The following ZNF148 variants were observed in gnomAD, a reference collection of about 807,000 sequenced individuals.
The protein encoded by ZNF148 is zinc finger protein 148.
In ZNF148, 7 loss-of-function variants were observed where a neutral mutation model predicts 67.7. The ratio of observed to expected loss-of-function variants is 0.10; its 90% CI spans 0.06 to 0.19. The LOEUF (loss-of-function observed/expected upper bound fraction) is 0.19, where lower values mean the gene tolerates loss of function less well. Ranked by LOEUF, ZNF148 falls within the 10% of genes least tolerant of loss-of-function variation. The pLI is 1.00. For missense variants in ZNF148, 583 were observed against 947.1 expected (o/e 0.62, Z 5.05); for synonymous variants, 333 against 330.7 (o/e 1.01, Z -0.08).
rs950435432 is a variant in ZNF148, at chr3:125,350,678, C to T, written c.-233-19440G>A. 1.3e-3 allele frequency among the ~76,000 whole-genome samples: 193 copies of T among 152,274 alleles called. 2 individuals carry two copies. The highest frequency in any genetic ancestry group is 5.9e-4 in the Admixed American group (9 of 15,298). ...CCTGCGCCGTTAAAAATAGGCTTCA[C>T]GCTCCTAAGAGAATGTAAGAGAATC... On this transcript the variant is annotated intron_variant, in intron 1 of 8. Coordinates refer to ENST00000360647, the MANE Select transcript of ZNF148 (RefSeq NM_021964.3).
At position 125,246,654 on chromosome 3, in the gene ZNF148, T is replaced by C. The variant is rs143913048; in HGVS notation, c.668-12325A>G. ...TTAAGAACAGGAATGAGGAGGTTGA[T>C]AACAAATGATTACTTACATATTGAT... is the stretch of plus-strand genomic sequence containing the variant. On this transcript the variant is annotated intron_variant, in intron 7 of 8. Coordinates refer to ENST00000360647, the MANE Select transcript of ZNF148 (RefSeq NM_021964.3). Among the ~76,000 whole-genome samples the C allele has an allele frequency of 1.9e-4, 29 of 152,326 alleles. No homozygotes were observed. The East Asian group carries it at 5.4e-3, about 28-fold the overall frequency.
chr3:125,356,458 G>GAC (rs983975539), intron 1 of ZNF148, among the ~76,000 whole-genome samples: 1 of 152,076 alleles, frequency 6.6e-6, no homozygotes, highest in Admixed American at 6.5e-5. Flanking sequence ...AGAAACCCAG[G>GAC]ACTTCCTCCT....
intron 2 of ZNF148, among the ~76,000 whole-genome samples, chr3:125,330,650 G>A (rs902256616): frequency 3.9e-5 from 6 of 151,934 alleles, no homozygotes; most frequent in East Asian, 1.9e-4. Flanking sequence ...CAACATAGTC[G>A]AGACCCTGTC....
At chr3:125,317,658 T>TAGAGAGAGAGAGAGAGAGAGAGAG (rs796905351) in intron 3 of ZNF148, among the ~76,000 whole-genome samples, 84 of 27,958 alleles carry the variant, frequency 3.0e-3, no homozygotes, top group Non-Finnish European at 4.0e-3. Context: ...TATATATATA[T>TAGAGAGAGAGAGAGAGAGAGAGAG]ATATAGAGAG....
intron 4 of ZNF148, among the ~76,000 whole-genome samples, chr3:125,297,844 C>A (rs1939364786): frequency 6.6e-6 from 1 of 152,070 alleles, no homozygotes; most frequent in South Asian, 2.1e-4. Flanking sequence ...ATAGGCATAT[C>A]CAGTAAATTC....
At chr3:125,297,925 G>C (rs1939367981) in intron 4 of ZNF148, among the ~76,000 whole-genome samples, 1 of 152,114 alleles carries the variant, frequency 6.6e-6, no homozygotes, top group South Asian at 2.1e-4. Flanking sequence ...ATTCACAGCA[G>C]CACTTAATAC....
intron 7 of ZNF148, among the ~76,000 whole-genome samples, chr3:125,253,265 T>C (rs552579983): frequency 6.6e-6 from 1 of 152,360 alleles, no homozygotes; most frequent in African/African-American, 2.4e-5. Flanking sequence ...AGTGGTATCA[T>C]CATAACATGT....
intron 1 of ZNF148, among the ~76,000 whole-genome samples, chr3:125,357,435 G>T (rs1269153056): frequency 6.6e-6 from 1 of 152,220 alleles, no homozygotes; most frequent in Non-Finnish European, 1.5e-5. Flanking sequence ...TGCGGGGTTC[G>T]CCAGACGGTG....
chr3:125,233,996 GA>G lies in ZNF148; in HGVS notation c.787-58del. 6.6e-7 allele frequency: 1 copy of G among 1,513,580 alleles called. No individual in the cohort carries two copies. Among genetic ancestry groups the G allele is most frequent in the South Asian group, 1.4e-5 (1 of 73,032 alleles). The allele number at this position is 1,513,580 out of a possible 1,614,324, so 93.8% of individuals were successfully genotyped here. On this transcript the variant is annotated intron_variant, in intron 8 of 8. Coordinates refer to ENST00000360647, the MANE Select transcript of ZNF148 (RefSeq NM_021964.3). The surrounding 1 kb of genome is among the most constrained non-coding windows in gnomAD (Gnocchi z 5.1). The stretch of plus-strand genomic sequence containing the variant: ...TTGTGGTTTTGGTCAACCAAGAAAA[GA>G]AAAAGTGAAACAAAACAATTAATAT...
At chr3:125,300,892 T>C (rs1349552250) in intron 4 of ZNF148, among the ~76,000 whole-genome samples, 2 of 152,330 alleles carry the variant, frequency 1.3e-5, no homozygotes, top group Non-Finnish European at 1.5e-5. Context: ...ATAAAGACCA[T>C]AAAAATTTAT....
intron 5 of ZNF148, among the ~76,000 whole-genome samples, chr3:125,280,975 AC>A (rs1259731443): frequency 6.6e-6 from 1 of 152,092 alleles, no homozygotes; most frequent in African/African-American, 2.4e-5. Flanking sequence ...CACAGCTATG[AC>A]CCCTTCTCAA....
At chr3:125,263,789 A>G (rs1937448214) in intron 7 of ZNF148, among the ~76,000 whole-genome samples, 1 of 131,422 alleles carries the variant, frequency 7.6e-6, no homozygotes, top group African/African-American at 3.1e-5. Context: ...TGGGTGATAG[A>G]AGCCTCTTTC....
intron 4 of ZNF148, among the ~76,000 whole-genome samples, chr3:125,296,095 A>AT (rs1939268882): frequency 6.6e-6 from 1 of 150,992 alleles, no homozygotes; most frequent in African/African-American, 2.4e-5. Context: ...GCCTTTCAAT[A>AT]TATCATCCCA....
At chr3:125,343,232 C>T (rs929041938) in intron 1 of ZNF148, among the ~76,000 whole-genome samples, 2 of 152,060 alleles carry the variant, frequency 1.3e-5, no homozygotes, top group African/African-American at 4.8e-5. Flanking sequence ...CTACCATTGA[C>T]GTGTCAAGGC....
chr3:125,366,078 G>A (rs888832902), intron 1 of ZNF148, among the ~76,000 whole-genome samples: 6 of 152,024 alleles, frequency 3.9e-5, no homozygotes, highest in Non-Finnish European at 5.9e-5. Context: ...TCTAATATAC[G>A]GTCCTTGGCT....
chr3:125,258,997 C>A (rs1192964792), intron 7 of ZNF148, among the ~76,000 whole-genome samples: 1 of 151,920 alleles, frequency 6.6e-6, no homozygotes, highest in South Asian at 2.1e-4. Context: ...GTTAGAAATA[C>A]GAAGTTAATT....
In ZNF148 at chr3:125,230,361, C is replaced by T. The variant is rs2107824144; in HGVS notation, c.*1980G>A. Reference sequence around the variant, plus strand: ...ATTATGTAATGCACAACACAACACACACAATCTTAAGAGTCAATAATGGCA... The same window carrying T: ...ATTATGTAATGCACAACACAACACATACAATCTTAAGAGTCAATAATGGCA... On this transcript the variant is annotated 3_prime_UTR_variant, in exon 9 of 9. Transcript: ENST00000360647. 1 of 152,682 alleles carries T rather than the reference C, an allele frequency of 6.5e-6. No homozygotes were observed. The highest frequency in any genetic ancestry group is 3.4e-3 in the Middle Eastern group (1 of 294). The allele number at this position is 152,682 out of a possible 1,614,324, so 9.5% of individuals were successfully genotyped here. A position where few individuals can be genotyped will look rare whatever the true frequency, so the allele number is the denominator to read the frequency against.
At chr3:125,337,748 T>C (rs971729911) in intron 1 of ZNF148, among the ~76,000 whole-genome samples, 10 of 152,200 alleles carry the variant, frequency 6.6e-5, no homozygotes, top group African/African-American at 9.7e-5. Context: ...CTTTAGATGA[T>C]GAAACAGGTT....
intron 7 of ZNF148, among the ~76,000 whole-genome samples, chr3:125,236,360 T>C (rs1401773508): frequency 6.6e-6 from 1 of 152,132 alleles, no homozygotes; most frequent in Non-Finnish European, 1.5e-5. Context: ...CACTGCGCCT[T>C]GCCCCTTGTG....
Sources: gnomAD v4.1 joint callset for allele counts (sites outside exome capture counted in the v4.1 genomes callset) on GRCh38, gnomAD v4.1.1 for gene constraint, Gnocchi (gnomAD v3.1) non-coding constraint, MANE v1.5 for transcripts, NCBI Gene and HGNC (gene_info 2026-07-23, HGNC 2026-07-21) for gene names.